FLACC1: variants seen among roughly 807,000 people sequenced by gnomAD.
FLACC1 encodes flagellum-associated coiled-coil domain-containing protein 1.
FLACC1 carries 66 observed loss-of-function variants against 62.8 expected under a neutral mutation model. That is an observed-to-expected ratio of 1.05 (90% CI 0.86 to 1.29). FLACC1 has a LOEUF of 1.29. Ranked by LOEUF, FLACC1 falls within the 50% of genes most tolerant of loss-of-function variation. The pLI is 0.00. For missense variants in FLACC1, 452 were observed against 489.1 expected, an observed-to-expected ratio of 0.92 and a Z score of 0.71; for synonymous variants, 156 against 161.0, an observed-to-expected ratio of 0.97 and a Z score of 0.24.
At chr2:201,316,910 A>G (rs1248094261) in intron 9 of FLACC1, among the ~76,000 whole-genome samples, 1 of 152,212 alleles carries the variant, frequency 6.6e-6, no homozygotes, top group Non-Finnish European at 1.5e-5. Flanking sequence ...CAAGTCAATA[A>G]ATGTGATACA....
chr2:201,362,023 G>A (rs373290292), upstream of FLACC1, among the ~76,000 whole-genome samples: 25 of 152,028 alleles, frequency 1.6e-4, no homozygotes, highest in South Asian at 5.2e-3. Flanking sequence ...AAAATTTTGT[G>A]GTATTTTGGC....
chr2:201,293,435 T>C (rs1294017919), intron 12 of FLACC1, among the ~76,000 whole-genome samples: 8 of 152,058 alleles, frequency 5.3e-5, no homozygotes, highest in South Asian at 2.1e-4. Flanking sequence ...GGGTACATAA[T>C]GAAATGAAGG....
Position 201,288,723 on chromosome 2 carries a change from A to C in FLACC1, c.1201T>G (p.Ser401Ala). 6.2e-7 allele frequency: 1 copy of C among 1,614,054 alleles called. No individual in the cohort carries two copies. The change falls in exon 15 of 15, where the codon TCT becomes GCT. Residue 401 changes from serine (S) to alanine (A), a missense_variant. Transcript: ENST00000392257. ...ICEGCSGRLA[S>A]ITVSKDDSDT... is the part of the protein sequence containing the mutation. ...GAATCATCCTTAGAAACAGTAATAG[A>C]GGCCAATCTCCCAGAACATCCTTCA...
upstream of FLACC1, among the ~76,000 whole-genome samples, chr2:201,361,802 C>T (rs189087315): frequency 5.6e-4 from 85 of 152,252 alleles, no homozygotes; most frequent in Admixed American, 1.6e-3. Flanking sequence ...GAAGGCAAGA[C>T]GATCAAATTT....
intron 12 of FLACC1, among the ~76,000 whole-genome samples, chr2:201,290,429 AT>A (rs1311660541): frequency 6.6e-6 from 1 of 152,100 alleles, no homozygotes; most frequent in Non-Finnish European, 1.5e-5. Flanking sequence ...TTTCTGCTCA[AT>A]TTTTCTGTAA....
At chr2:201,356,225 G>C (rs538092480) in intron 1 of FLACC1, among the ~76,000 whole-genome samples, 2 of 152,252 alleles carry the variant, frequency 1.3e-5, no homozygotes, top group South Asian at 4.1e-4. Flanking sequence ...CAATGGTGTG[G>C]TCTTGGCTCA....
At chr2:201,350,574 G>A (rs1329595952) in intron 3 of FLACC1, 137 bp downstream of exon 3, 5 of 706,014 alleles carry the variant, frequency 7.1e-6, no homozygotes, top group African/African-American at 1.8e-5. Context: ...CCAGCTACTC[G>A]AGAGGCTGAG....
chr2:201,333,871 G>A (rs2125597941), intron 7 of FLACC1, among the ~76,000 whole-genome samples: 1 of 152,246 alleles, frequency 6.6e-6, no homozygotes. Context: ...ACATACGTGT[G>A]CATGTGTCTT....
intron 2 of FLACC1, 45 bp from the exon 3 acceptor site, chr2:201,350,827 C>T (rs764976243): frequency 8.4e-6 from 13 of 1,549,768 alleles, no homozygotes; most frequent in Middle Eastern, 3.4e-4. Flanking sequence ...ATTGGAAATT[C>T]GGAAACCCTT....
chr2:201,334,815 T>C (rs1023948608), intron 7 of FLACC1, among the ~76,000 whole-genome samples: 28 of 150,988 alleles, frequency 1.9e-4, no homozygotes, highest in African/African-American at 6.6e-4. Flanking sequence ...AAAAAAATCA[T>C]GTGAAAGTCC....
chr2:201,330,922 T>C, intron 7 of FLACC1, 89 bp from the exon 8 acceptor site: 1 of 884,552 alleles, frequency 1.1e-6, no homozygotes, highest in East Asian at 2.8e-5. Context: ...CCCTCCACCC[T>C]CCCACAGGAA....
At position 201,350,892 on chromosome 2, in the gene FLACC1, G is replaced by A. The variant is rs558135494; in HGVS notation, c.114-110C>T. 31 of 864,056 alleles carry A rather than the reference G, an allele frequency of 3.6e-5. No individual in the cohort carries two copies. The Admixed American group carries it at 6.2e-4, about 17-fold the overall frequency. 53.5% of individuals were successfully genotyped at this position (864,056 alleles called of 1,614,324 possible). ...ATAGTGACCCAAAATTGGAATGCAT[G>A]ATCTGATAGCTGGAATCTTTAAAAT... On this transcript the variant is annotated intron_variant, in intron 2 of 14. Transcript: ENST00000392257.
chr2:201,329,415 C>T (rs1053668744), intron 9 of FLACC1, among the ~76,000 whole-genome samples: 6 of 152,180 alleles, frequency 3.9e-5, no homozygotes. Context: ...AACAGAACTA[C>T]CATTTGACTC....
intron 7 of FLACC1, among the ~76,000 whole-genome samples, chr2:201,333,696 T>C (rs1443350958): frequency 6.6e-6 from 1 of 152,100 alleles, no homozygotes; most frequent in Non-Finnish European, 1.5e-5. Context: ...AGAATGATGG[T>C]TTCCAGCTTC....
At chr2:201,351,535 G>A (rs1479505511) in intron 1 of FLACC1, 84 bp from the exon 2 acceptor site, 20 of 683,438 alleles carry the variant, frequency 2.9e-5, no homozygotes, top group Non-Finnish European at 4.5e-5. Context: ...ACCCAGGGAG[G>A]ACCCAAAGAA....
intron 11 of FLACC1, among the ~76,000 whole-genome samples, chr2:201,306,348 C>T (rs752470143): frequency 2.0e-5 from 3 of 152,110 alleles, no homozygotes; most frequent in Non-Finnish European, 4.4e-5. Flanking sequence ...CCACCAGACC[C>T]CCTTCTCCAA....
At chr2:201,336,173 A>T (rs1950692995) in intron 7 of FLACC1, among the ~76,000 whole-genome samples, 1 of 152,084 alleles carries the variant, frequency 6.6e-6, no homozygotes, top group African/African-American at 2.4e-5. Flanking sequence ...CTCCACCTTC[A>T]AGTAGGCCCC....
intron 9 of FLACC1, among the ~76,000 whole-genome samples, chr2:201,328,683 C>T (rs980421428): frequency 6.6e-6 from 1 of 152,178 alleles, no homozygotes; most frequent in Non-Finnish European, 1.5e-5. Context: ...GCCTCGGCCT[C>T]CCAAAGTGCT....
upstream of FLACC1, among the ~76,000 whole-genome samples, chr2:201,362,188 T>G (rs191282224): frequency 1.3e-5 from 2 of 152,146 alleles, no homozygotes; most frequent in Admixed American, 6.5e-5. Flanking sequence ...CTTAAACACA[T>G]CCACTAGTAG....
Sources: gnomAD v4.1 joint callset for allele counts (sites outside exome capture counted in the v4.1 genomes callset) on GRCh38, gnomAD v4.1.1 for gene constraint, MANE v1.5 for transcripts, NCBI Gene and HGNC (gene_info 2026-07-23, HGNC 2026-07-21) for gene names.